NPAT: variants seen among roughly 807,000 people sequenced by gnomAD.
NPAT encodes the protein protein NPAT.
A neutral mutation model predicts 130.7 loss-of-function variants in NPAT; 52 were observed. The observed-to-expected ratio is 0.40, with a 90% CI of 0.32 to 0.50. The LOEUF (loss-of-function observed/expected upper bound fraction) is 0.50. Ranked by LOEUF, NPAT falls within the 20% of genes least tolerant of loss-of-function variation. The pLI is 0.68. For synonymous variants in NPAT, 580 were observed against 584.8 expected (o/e 0.99, Z 0.12); for missense variants, 1,687 against 1,662.6 (o/e 1.01, Z -0.26).
Position 108,172,298 on chromosome 11 carries a change from G to A in NPAT, c.2686C>T (p.Pro896Ser). ...NVVVLPGNSA[P>S]MTAQPLPPQL... is the part of the protein sequence containing the mutation. Reference sequence around the variant, plus strand: ...GGTGGTAGAGGTTGAGCAGTCATAGGTGCAGAATTTCCAGGCAACACCACT... The same window carrying A: ...GGTGGTAGAGGTTGAGCAGTCATAGATGCAGAATTTCCAGGCAACACCACT... The change falls in exon 13 of 18, where the codon CCT becomes TCT. Residue 896 changes from proline (P) to serine (S), a missense_variant. Around this residue, in one of 3 missense-constraint regions of NPAT, gnomAD observed 1,379 missense variants for 1,346.6 expected, o/e 1.02. Transcript: ENST00000278612. 1.2e-6 allele frequency: 2 copies of A among 1,614,202 alleles called. No individual in the cohort carries two copies. Among genetic ancestry groups the A allele is most frequent in the Non-Finnish European group, 1.7e-6 (2 of 1,180,016 alleles).
intron 10 of NPAT, among the ~76,000 whole-genome samples, chr11:108,185,026 G>A (rs2078092784): frequency 6.6e-6 from 1 of 152,150 alleles, no homozygotes; most frequent in African/African-American, 2.4e-5. Flanking sequence ...TCTATTTTAA[G>A]TCATCATCCA....
chr11:108,166,383 C>T (rs935111324), intron 15 of NPAT, among the ~76,000 whole-genome samples: 1 of 151,996 alleles, frequency 6.6e-6, no homozygotes, highest in Non-Finnish European at 1.5e-5. Context: ...CAGAGCAAGA[C>T]TCCCATCTAA....
intron 1 of NPAT, among the ~76,000 whole-genome samples, chr11:108,209,713 C>T (rs1391644020): frequency 2.0e-5 from 3 of 151,740 alleles, no homozygotes; most frequent in African/African-American, 4.8e-5. Flanking sequence ...CATGGTGAAA[C>T]CTCCTTTCTA....
At chr11:108,190,744 T>C (rs1235413499) in intron 4 of NPAT, among the ~76,000 whole-genome samples, 4 of 152,250 alleles carry the variant, frequency 2.6e-5, no homozygotes, top group Non-Finnish European at 4.4e-5. Context: ...CTATCCAATG[T>C]AATAATGCAT....
intron 17 of NPAT, among the ~76,000 whole-genome samples, chr11:108,159,418 G>C (rs2077824614): frequency 6.6e-6 from 1 of 152,060 alleles, no homozygotes; most frequent in Middle Eastern, 3.2e-3. Context: ...ACTACATTTA[G>C]ACTTCACAAC....
In NPAT at chr11:108,185,310, A is replaced by G. The variant is rs775030069; in HGVS notation, c.828T>C (p.Asn276=). Residue 276 remains asparagine (N), a synonymous_variant, in exon 10 of 18, where the codon AAT becomes AAC. Transcript: ENST00000278612. ...NINKFLTSDN[N]IAQVPKQTDN... is the part of the protein sequence containing the mutation. ...CTGTTTGCTTAGGTACTTGGGCAAT[A>G]TTGTTATCACTGTTAATAAAGAAAG... 6.2e-7 allele frequency: 1 copy of G among 1,609,380 alleles called. No individual in the cohort carries two copies. The highest frequency in any genetic ancestry group is 8.5e-7 in the Non-Finnish European group (1 of 1,176,576).
intron 1 of NPAT, among the ~76,000 whole-genome samples, chr11:108,219,128 A>G (rs967327027): frequency 2.6e-5 from 4 of 152,096 alleles, no homozygotes; most frequent in South Asian, 4.1e-4. Flanking sequence ...ATGTTCCCCA[A>G]GCTCTTCTGT....
chr11:108,167,442 G>C (rs2077911884), intron 15 of NPAT, among the ~76,000 whole-genome samples: 1 of 152,100 alleles, frequency 6.6e-6, no homozygotes, highest in Non-Finnish European at 1.5e-5. Context: ...CAAACTCCTA[G>C]ACTCAAACAA....
intron 12 of NPAT, among the ~76,000 whole-genome samples, chr11:108,174,849 C>T (rs932471562): frequency 8.6e-5 from 13 of 152,014 alleles, no homozygotes; most frequent in South Asian, 2.1e-4. Flanking sequence ...GAACTCCTGA[C>T]CTCAAGTAAT....
intron 1 of NPAT, among the ~76,000 whole-genome samples, chr11:108,198,107 A>G (rs2078241092): frequency 6.6e-6 from 1 of 152,244 alleles, no homozygotes; most frequent in African/African-American, 2.4e-5. Context: ...GGAAATCATC[A>G]TCCAATCAGA....
intron 15 of NPAT, among the ~76,000 whole-genome samples, chr11:108,169,212 T>TA: frequency 6.6e-6 from 1 of 152,192 alleles, no homozygotes; most frequent in East Asian, 1.9e-4. Flanking sequence ...GGACAATGGC[T>TA]AAAACAGGGA....
At chr11:108,200,887 C>T (rs2134879991) in intron 1 of NPAT, among the ~76,000 whole-genome samples, 1 of 152,290 alleles carries the variant, frequency 6.6e-6, no homozygotes, top group Non-Finnish European at 1.5e-5. Context: ...ACATCTTTTT[C>T]TGCATACCAT....
chr11:108,203,246 A>G (rs1045949405), intron 1 of NPAT, among the ~76,000 whole-genome samples: 4 of 152,164 alleles, frequency 2.6e-5, no homozygotes, highest in African/African-American at 9.7e-5. Flanking sequence ...ATTAGATTAC[A>G]TGTATAACAT....
chr11:108,166,030 G>A (rs998356282), intron 15 of NPAT, among the ~76,000 whole-genome samples: 4 of 151,704 alleles, frequency 2.6e-5, no homozygotes, highest in Non-Finnish European at 5.9e-5. Context: ...TGATCCACCT[G>A]TCTTGGCCTC....
At chr11:108,198,895 C>T (rs1382212336) in intron 1 of NPAT, among the ~76,000 whole-genome samples, 2 of 152,202 alleles carry the variant, frequency 1.3e-5, no homozygotes, top group East Asian at 3.8e-4. Flanking sequence ...TCTTCTTAAA[C>T]GCAGGACAAG....
chr11:108,206,879 C>T (rs2078330629), intron 1 of NPAT, among the ~76,000 whole-genome samples: 1 of 152,222 alleles, frequency 6.6e-6, no homozygotes, highest in Non-Finnish European at 1.5e-5. Flanking sequence ...TTTCCGTAGG[C>T]AGGTCGTCCC....
intron 1 of NPAT, among the ~76,000 whole-genome samples, chr11:108,213,063 C>T (rs1170094953): frequency 6.6e-6 from 1 of 151,638 alleles, no homozygotes; most frequent in Non-Finnish European, 1.5e-5. Flanking sequence ...CACCTGAGGT[C>T]GGGAGTTCGA....
intron 1 of NPAT, among the ~76,000 whole-genome samples, chr11:108,222,036 T>C (rs1318114833): frequency 2.6e-5 from 4 of 152,094 alleles, no homozygotes; most frequent in Admixed American, 1.3e-4. Flanking sequence ...TTCGTAGTTA[T>C]AAGGGCGGGT....
intron 4 of NPAT, among the ~76,000 whole-genome samples, chr11:108,190,789 T>A (rs1026949299): frequency 6.6e-6 from 1 of 152,226 alleles, no homozygotes; most frequent in African/African-American, 2.4e-5. Flanking sequence ...GAATGCAATC[T>A]GGGCTGGGTA....
Sources: gnomAD v4.1 joint callset for allele counts (sites outside exome capture counted in the v4.1 genomes callset) on GRCh38, gnomAD v4.1.1 for gene constraint, gnomAD v4.1.1 regional missense constraint, MANE v1.5 for transcripts, NCBI Gene and HGNC (gene_info 2026-07-23, HGNC 2026-07-21) for gene names.